The following MEI4 variants were observed in gnomAD, a reference collection of about 807,000 sequenced individuals.
The protein encoded by MEI4 is meiotic double-stranded break formation protein 4, also known as meiosis-specific protein MEI4.
MEI4 carries 27 observed loss-of-function variants against 31.4 expected under a neutral mutation model. The observed-to-expected ratio is 0.86, with a 90% CI of 0.63 to 1.19. The LOEUF is 1.19. MEI4 is among the 50% of genes most tolerant of loss of function. MEI4 has a pLI of 0.00. For synonymous variants in MEI4, 122 were observed against 145.4 expected (o/e 0.84, Z 1.16); for missense variants, 329 against 398.9 (o/e 0.82, Z 1.49).
chr6:77,650,477 C>A (rs918457723), upstream of MEI4, among the ~76,000 whole-genome samples: 11 of 152,214 alleles, frequency 7.2e-5, no homozygotes, highest in African/African-American at 2.7e-4. Context: ...ACCTGCGGGG[C>A]AGCACGTGGA....
chr6:77,829,589 G>A (rs1582191435), intron 4 of MEI4, among the ~76,000 whole-genome samples: 1 of 152,278 alleles, frequency 6.6e-6, no homozygotes, highest in South Asian at 2.1e-4. Flanking sequence ...ATGCAACCAA[G>A]CTTGAAGACC....
At chr6:77,804,970 T>A (rs567510670) in intron 3 of MEI4, among the ~76,000 whole-genome samples, 1 of 152,354 alleles carries the variant, frequency 6.6e-6, no homozygotes, top group Admixed American at 6.5e-5. Flanking sequence ...TTATCTGTAC[T>A]TTTGGCATCG....
chr6:77,906,209 C>T (rs777467613), intron 4 of MEI4, among the ~76,000 whole-genome samples: 3 of 152,062 alleles, frequency 2.0e-5, no homozygotes, highest in East Asian at 1.9e-4. Context: ...ACTAAATTAT[C>T]GTGGTCTTTG....
At chr6:77,835,982 TACAAA>T in intron 4 of MEI4, among the ~76,000 whole-genome samples, 2 of 152,200 alleles carry the variant, frequency 1.3e-5, no homozygotes, top group Admixed American at 1.3e-4. Flanking sequence ...AAAATATAAA[TACAAA>T]ACAAATTATA....
At chr6:77,914,037 A>AAG (rs1205136370) in intron 4 of MEI4, among the ~76,000 whole-genome samples, 1 of 148,614 alleles carries the variant, frequency 6.7e-6, no homozygotes, top group African/African-American at 2.4e-5. Context: ...GTTTCAAGAA[A>AAG]AAAAAAAAAA....
chr6:77,769,725 A>C (rs1363005067), intron 3 of MEI4, among the ~76,000 whole-genome samples: 2 of 152,110 alleles, frequency 1.3e-5, no homozygotes, highest in African/African-American at 4.8e-5. Context: ...CTCCTGGATG[A>C]CATTTCTAAA....
At position 77,761,552 on chromosome 6, in the gene MEI4, C is replaced by G; in HGVS notation, c.655C>G (p.Leu219Val). 8.1e-7 allele frequency: 1 copy of G among 1,232,036 alleles called. No individual in the cohort carries two copies. Among genetic ancestry groups the G allele is most frequent in the Non-Finnish European group, 1.0e-6 (1 of 987,898 alleles). The allele number at this position is 1,232,036 out of a possible 1,614,324, so 76.3% of individuals were successfully genotyped here. A position where few individuals can be genotyped will look rare whatever the true frequency, so the allele number is the denominator to read the frequency against. The change falls in exon 3 of 5, where the codon CTG becomes GTG. Residue 219 changes from leucine (L) to valine (V), a missense_variant. Physicochemically the swap from Leu to Val is conservative, Grantham distance 32. Coordinates refer to ENST00000684080, the MANE Select transcript of MEI4 (RefSeq NM_001322247.2). Reference sequence around the variant, plus strand: ...AGAAGCTGTTGGTACTTTAGCTAGTCTGATCAGTGACTATAACTTATCTAG... The same window carrying G: ...AGAAGCTGTTGGTACTTTAGCTAGTGTGATCAGTGACTATAACTTATCTAG... ...WTEAVGTLAS[L>V]ISDYNLSSHI...
chr6:77,910,341 AT>A lies in MEI4; in HGVS notation c.901-12747del, dbSNP rs1766404063. Among the ~76,000 whole-genome samples the A allele has an allele frequency of 2.0e-5, 3 of 152,334 alleles. No homozygotes were observed. The South Asian group carries it at 6.2e-4, about 32-fold the overall frequency. ...CTCAGCCCAAAATCTTCTTAAGCTGATAGGCAACTTCAGCAAAGTCTCAAGA... is the reference window on the plus strand; with the variant it reads ...CTCAGCCCAAAATCTTCTTAAGCTGAAGGCAACTTCAGCAAAGTCTCAAGA... On this transcript the variant is annotated intron_variant, in intron 4 of 4. Coordinates refer to ENST00000684080, the MANE Select transcript of MEI4 (RefSeq NM_001322247.2).
chr6:77,689,367 TATC>T (rs1356448836), intron 1 of MEI4, among the ~76,000 whole-genome samples: 1 of 152,096 alleles, frequency 6.6e-6, no homozygotes, highest in Non-Finnish European at 1.5e-5. Context: ...TTTTCAATAT[TATC>T]AATAATGCTG....
At chr6:77,841,499 G>A (rs917130304) in intron 4 of MEI4, among the ~76,000 whole-genome samples, 40 of 150,624 alleles carry the variant, frequency 2.7e-4, no homozygotes, top group South Asian at 8.4e-4. Context: ...GCCACTACTC[G>A]TGGCTAATTT....
chr6:77,702,119 C>T (rs1242320363), intron 2 of MEI4, among the ~76,000 whole-genome samples: 2 of 150,796 alleles, frequency 1.3e-5, no homozygotes, highest in Non-Finnish European at 3.0e-5. Flanking sequence ...AGAACAGGGG[C>T]CTGACAGATC....
intron 2 of MEI4, among the ~76,000 whole-genome samples, chr6:77,696,933 A>T (rs1766064317): frequency 1.3e-5 from 2 of 152,134 alleles, no homozygotes; most frequent in Non-Finnish European, 2.9e-5. Flanking sequence ...GATTATTGCC[A>T]CAATTTCAGA....
In MEI4 at chr6:77,841,333, A is replaced by ATATATATTTTTTTTT; in HGVS notation, c.900+12272_900+12273insATATATTTTTTTTTT. Among the ~76,000 whole-genome samples the ATATATATTTTTTTTT allele has an allele frequency of 1.0e-3, 29 of 27,738 alleles. 2 individuals carry two copies. The highest frequency in any genetic ancestry group is 6.7e-3 in the East Asian group (3 of 446). The allele number at this position is 27,738 out of a possible 152,430, so 18.2% of individuals were successfully genotyped here. ...TGTGTGCATATATATATATATATAT[A>ATATATATTTTTTTTT]TTTTTTTTTTTTTTTTTTTTTTTGA... On this transcript the variant is annotated intron_variant, in intron 4 of 4. Coordinates refer to ENST00000684080, the MANE Select transcript of MEI4 (RefSeq NM_001322247.2).
chr6:77,866,672 G>A (rs6454014), intron 4 of MEI4, among the ~76,000 whole-genome samples: 125,654 of 152,160 alleles, frequency 0.83, 52,401 homozygotes, highest in East Asian at 0.95. Flanking sequence ...TATAGATTCA[G>A]TGCCATCCCC....
At chr6:77,817,649 TA>T (rs1199970935) in intron 3 of MEI4, among the ~76,000 whole-genome samples, 1 of 152,048 alleles carries the variant, frequency 6.6e-6, no homozygotes, top group Non-Finnish European at 1.5e-5. Flanking sequence ...TACTATATAT[TA>T]AAAATTATAA....
At position 77,924,211 on chromosome 6, in the gene MEI4, A is replaced by G. The variant is rs995765260; in HGVS notation, c.*865A>G. ...AATGAGCATATGTTACATTTCCTAT[A>G]GTGCCATTTAGGGAACACAAAATAT... On this transcript the variant is annotated 3_prime_UTR_variant, in exon 5 of 5. Coordinates refer to ENST00000684080, the MANE Select transcript of MEI4 (RefSeq NM_001322247.2). The G allele has an allele frequency of 1.3e-5, 2 of 151,964 alleles. No individual in the cohort carries two copies. The highest frequency in any genetic ancestry group is 2.1e-4 in the South Asian group (1 of 4,828). The allele number at this position is 151,964 out of a possible 1,614,324, so 9.4% of individuals were successfully genotyped here.
intron 2 of MEI4, among the ~76,000 whole-genome samples, chr6:77,735,430 T>A (rs889176051): frequency 1.7e-4 from 26 of 152,202 alleles, no homozygotes; most frequent in African/African-American, 4.8e-4. Flanking sequence ...TCGCATCGGC[T>A]CCTGAGGCTT....
chr6:77,696,178 G>T (rs1766031114), intron 2 of MEI4, among the ~76,000 whole-genome samples: 1 of 152,212 alleles, frequency 6.6e-6, no homozygotes, highest in African/African-American at 2.4e-5. Flanking sequence ...AGACAATGGG[G>T]TTTTCTAGAT....
chr6:77,920,524 C>T (rs539475917), intron 4 of MEI4, among the ~76,000 whole-genome samples: 1 of 151,950 alleles, frequency 6.6e-6, no homozygotes, highest in South Asian at 2.1e-4. Flanking sequence ...TTCCAAACTC[C>T]TGTTAATATT....
Sources: allele counts gnomAD v4.1 joint callset (sites outside exome capture counted in the v4.1 genomes callset), GRCh38; gene constraint gnomAD v4.1.1; transcripts MANE v1.5; gene names NCBI Gene and HGNC (gene_info 2026-07-23, HGNC 2026-07-21).